RABGEF1: variants seen among roughly 807,000 people sequenced by gnomAD.
RABGEF1 encodes rab5 GDP/GTP exchange factor.
Under a neutral mutation model 57.3 loss-of-function variants are expected in RABGEF1, and 26 were observed. The observed-to-expected ratio is 0.45, with a 90% CI of 0.33 to 0.63. The LOEUF (loss-of-function observed/expected upper bound fraction) is 0.63, where lower values mean the gene tolerates loss of function less well. Ranked by LOEUF, RABGEF1 falls within the 20% of genes least tolerant of loss-of-function variation. The pLI is 0.02. For synonymous variants in RABGEF1, 185 were observed against 210.7 expected (o/e 0.88, Z 1.06); for missense variants, 464 against 607.6 (o/e 0.76, Z 2.48).
chr7:66,775,051 GT>G (rs1357226921), intron 2 of RABGEF1, among the ~76,000 whole-genome samples, 175 bp from the exon 3 acceptor site: 1 of 152,216 alleles, frequency 6.6e-6, no homozygotes, highest in African/African-American at 2.4e-5. Context: ...TTTGAAATCT[GT>G]AGTGCATGAA....
the RABGEF1 span, among the ~76,000 whole-genome samples, chr7:66,657,636 C>A: frequency 6.6e-6 from 1 of 152,162 alleles, no homozygotes; most frequent in Admixed American, 6.5e-5. Context: ...GTCTAACCAA[C>A]ATGGCAAAAG....
intron 1 of RABGEF1, among the ~76,000 whole-genome samples, chr7:66,690,426 C>T (rs1409231891): frequency 6.6e-6 from 1 of 150,472 alleles, no homozygotes; most frequent in African/African-American, 2.4e-5. Flanking sequence ...GTAAACACTG[C>T]CAAACTGGCT....
chr7:66,788,819 G>T (rs1277044039), intron 4 of RABGEF1, among the ~76,000 whole-genome samples: 1 of 152,086 alleles, frequency 6.6e-6, no homozygotes, highest in Non-Finnish European at 1.5e-5. Context: ...GCTGGGCGTG[G>T]TGGCGGGTGC....
At chr7:66,777,613 G>A (rs1004408007) in intron 3 of RABGEF1, among the ~76,000 whole-genome samples, 11 of 152,106 alleles carry the variant, frequency 7.2e-5, no homozygotes, top group Non-Finnish European at 1.5e-4. Flanking sequence ...TCAATGCAGA[G>A]TCTGTACTTT....
chr7:66,727,758 C>T (rs749612088), intron 2 of RABGEF1, among the ~76,000 whole-genome samples: 2 of 152,174 alleles, frequency 1.3e-5, no homozygotes, highest in African/African-American at 2.4e-5. Flanking sequence ...GCAGGCTGCC[C>T]GTGGATAATG....
At chr7:66,693,430 C>T (rs1394698912) in intron 1 of RABGEF1, among the ~76,000 whole-genome samples, 1 of 152,180 alleles carries the variant, frequency 6.6e-6, no homozygotes, top group Non-Finnish European at 1.5e-5. Context: ...AGGCCTGGCT[C>T]AGGGTGAGAA....
intron 1 of RABGEF1, among the ~76,000 whole-genome samples, chr7:66,768,453 A>G (rs1391115020): frequency 6.6e-6 from 1 of 152,156 alleles, no homozygotes; most frequent in Non-Finnish European, 1.5e-5. Flanking sequence ...TCTTTGCCAA[A>G]TATGTGATTT....
At chr7:66,806,993 C>T (rs1340429857) in intron 8 of RABGEF1, among the ~76,000 whole-genome samples, 2 of 152,100 alleles carry the variant, frequency 1.3e-5, no homozygotes, top group Non-Finnish European at 2.9e-5. Context: ...GAGGGAAGAG[C>T]GTTTTGGATT....
the RABGEF1 span, among the ~76,000 whole-genome samples, chr7:66,670,771 G>A: frequency 3.9e-5 from 6 of 151,940 alleles, no homozygotes; most frequent in Non-Finnish European, 7.4e-5. Flanking sequence ...GCTTGAACCC[G>A]GGAAGCAGAG....
chr7:66,713,855 A>G (rs1190948539), intron 2 of RABGEF1, among the ~76,000 whole-genome samples: 1 of 152,252 alleles, frequency 6.6e-6, no homozygotes, highest in Non-Finnish European at 1.5e-5. Flanking sequence ...TTCTTCTGTT[A>G]ATAACATACA....
At chr7:66,760,537 G>A (rs1273533503) in intron 1 of RABGEF1, among the ~76,000 whole-genome samples, 1 of 149,182 alleles carries the variant, frequency 6.7e-6, no homozygotes, top group Non-Finnish European at 1.5e-5. Flanking sequence ...TCTTCCTCCC[G>A]GGTTCAAGTG....
intron 1 of RABGEF1, among the ~76,000 whole-genome samples, chr7:66,749,327 G>A (rs1334418902): frequency 6.6e-6 from 1 of 152,172 alleles, no homozygotes; most frequent in African/African-American, 2.4e-5. Context: ...CTCTTACTCA[G>A]TAAACAGTGG....
intron 1 of RABGEF1, among the ~76,000 whole-genome samples, chr7:66,699,312 G>T (rs936148522): frequency 3.9e-5 from 6 of 152,208 alleles, no homozygotes; most frequent in African/African-American, 1.4e-4. Flanking sequence ...CAAAGGACTG[G>T]ATTTGAATCC....
chr7:66,675,384 C>T, the RABGEF1 span, among the ~76,000 whole-genome samples: 5 of 151,836 alleles, frequency 3.3e-5, no homozygotes, highest in Admixed American at 1.3e-4. Context: ...GAGCCAAGAT[C>T]ACACCATCGC....
chr7:66,710,536 G>A (rs1428716105), intron 1 of RABGEF1, among the ~76,000 whole-genome samples: 6 of 152,096 alleles, frequency 3.9e-5, no homozygotes, highest in Non-Finnish European at 8.8e-5. Flanking sequence ...TTATATCTTT[G>A]TCAGCACTTA....
At chr7:66,667,561 C>G in the RABGEF1 span, 5 of 152,388 alleles carry the variant, frequency 3.3e-5, no homozygotes, top group African/African-American at 1.2e-4. Context: ...CTGACACTGA[C>G]AGGCTGTGTG....
intron 3 of RABGEF1, among the ~76,000 whole-genome samples, chr7:66,776,103 GA>G (rs1301407467): frequency 6.6e-6 from 1 of 152,140 alleles, no homozygotes; most frequent in Non-Finnish European, 1.5e-5. Flanking sequence ...GTCTGTCTTT[GA>G]AAATTTATGT....
At chr7:66,686,475 A>G (rs1790655448) in intron 1 of RABGEF1, among the ~76,000 whole-genome samples, 1 of 152,170 alleles carries the variant, frequency 6.6e-6, no homozygotes, top group Non-Finnish European at 1.5e-5. Context: ...CTGTCTCCAT[A>G]AAAAGAAGTT....
intron 3 of RABGEF1, among the ~76,000 whole-genome samples, chr7:66,775,892 G>A (rs1808412487): frequency 1.3e-5 from 2 of 152,154 alleles, no homozygotes; most frequent in Non-Finnish European, 2.9e-5. Context: ...TGGGCTCTTG[G>A]GGGGATGAAA....
Sources: allele counts gnomAD v4.1 joint callset (sites outside exome capture counted in the v4.1 genomes callset), GRCh38; gene constraint gnomAD v4.1.1; transcripts MANE v1.5; gene names NCBI Gene and HGNC (gene_info 2026-07-23, HGNC 2026-07-21).